Variants in LRMDA observed in about 807,000 individuals in gnomAD.
The protein encoded by LRMDA is leucine-rich melanocyte differentiation-associated protein.
LRMDA carries 18 observed loss-of-function variants against 29.8 expected under a neutral mutation model. The ratio of observed to expected loss-of-function variants is 0.60; its 90% CI spans 0.42 to 0.90. LRMDA has a LOEUF of 0.90. Ranked by LOEUF, LRMDA falls within the 40% of genes least tolerant of loss-of-function variation. The probability of loss-of-function intolerance (pLI) is 0.00; values close to 1 mark genes in which losing one functional copy is unlikely to be tolerated. For missense variants in LRMDA, 273 were observed against 273.9 expected, an observed-to-expected ratio of 1.00 and a Z score of 0.02; for synonymous variants, 125 against 109.4, an observed-to-expected ratio of 1.14 and a Z score of -0.89.
At chr10:75,666,325 CACTA>C (rs764962237) in intron 2 of LRMDA, among the ~76,000 whole-genome samples, 5 of 151,282 alleles carry the variant, frequency 3.3e-5, no homozygotes, top group African/African-American at 4.9e-5. Flanking sequence ...AGTGTCAAGT[CACTA>C]ACTGTGAACT....
intron 2 of LRMDA, among the ~76,000 whole-genome samples, chr10:75,641,917 G>A (rs2059996): frequency 0.66 from 99,620 of 152,052 alleles, 33,623 homozygotes; most frequent in East Asian, 0.74. Context: ...TCTTTGTCAG[G>A]CCATGAAGTT....
chr10:76,460,105 C>T (rs752055106), intron 6 of LRMDA, among the ~76,000 whole-genome samples: 8 of 152,168 alleles, frequency 5.3e-5, no homozygotes, highest in Non-Finnish European at 1.2e-4. Flanking sequence ...TAGTGACTGG[C>T]CTGTGACATC....
At position 75,994,964 on chromosome 10, in the gene LRMDA, G is replaced by C. The variant is rs557463620; in HGVS notation, c.132-41044G>C. Among the ~76,000 whole-genome samples the C allele has an allele frequency of 2.6e-5, 4 of 152,282 alleles. No homozygotes were observed. The East Asian group carries it at 7.7e-4, about 29-fold the overall frequency. On this transcript the variant is annotated intron_variant, in intron 2 of 6. Transcript: ENST00000611255. ...TTTAAATTTTCAAGAGCAAAGAAATGAATGTGGCTGCTTCATACCTCTCTT... is the reference window on the plus strand; with the variant it reads ...TTTAAATTTTCAAGAGCAAAGAAATCAATGTGGCTGCTTCATACCTCTCTT...
At chr10:75,611,269 T>TTG (rs1841028425) in intron 2 of LRMDA, among the ~76,000 whole-genome samples, 1 of 152,184 alleles carries the variant, frequency 6.6e-6, no homozygotes, top group African/African-American at 2.4e-5. Context: ...TGGCATGGGC[T>TTG]TGTAAAGTCG....
intron 2 of LRMDA, among the ~76,000 whole-genome samples, chr10:75,449,151 C>CAA (rs779723533): frequency 4.4e-4 from 22 of 50,000 alleles, no homozygotes; most frequent in South Asian, 6.6e-4. Flanking sequence ...GACTCCATCT[C>CAA]AAAAAAAAAA....
intron 6 of LRMDA, among the ~76,000 whole-genome samples, chr10:76,538,872 A>G (rs1208432264): frequency 6.6e-6 from 1 of 152,114 alleles, no homozygotes. Context: ...TTGACAAACC[A>G]TCTCCCTTTC....
At position 76,505,653 on chromosome 10, in the gene LRMDA, C is replaced by G. The variant is rs147768771; in HGVS notation, c.602-51556C>G. Among the ~76,000 whole-genome samples the G allele has an allele frequency of 8.9e-3, 1,349 of 152,074 alleles. 12 individuals carry two copies. Among genetic ancestry groups the G allele is most frequent in the African/African-American group, 0.028 (1,173 of 41,522 alleles). ...TTGAAATGGCTATTTTGTCTTTTAG[C>G]TCTTGGATCATTTTACTGGATTCCG... On this transcript the variant is annotated intron_variant, in intron 6 of 6. Transcript: ENST00000611255.
intron 2 of LRMDA, among the ~76,000 whole-genome samples, chr10:75,933,011 T>A (rs1459277176): frequency 1.3e-5 from 2 of 152,210 alleles, no homozygotes; most frequent in African/African-American, 4.8e-5. Flanking sequence ...AGGCGTAGAT[T>A]CCTTTTGAAA....
intron 2 of LRMDA, among the ~76,000 whole-genome samples, chr10:75,500,856 G>A (rs1002187845): frequency 3.3e-5 from 5 of 152,114 alleles, no homozygotes; most frequent in Non-Finnish European, 7.4e-5. Context: ...TCCCTCGCTC[G>A]ATTACAGTTC....
intron 5 of LRMDA, among the ~76,000 whole-genome samples, chr10:76,314,042 C>T (rs1840661847): frequency 6.6e-6 from 1 of 151,940 alleles, no homozygotes. Flanking sequence ...TTCACAATGC[C>T]TTGCAATACC....
chr10:76,006,534 C>G (rs143680089), intron 2 of LRMDA, among the ~76,000 whole-genome samples: 29 of 152,254 alleles, frequency 1.9e-4, no homozygotes, highest in Middle Eastern at 3.4e-3. Flanking sequence ...CAGAGCGAAG[C>G]TCCAAGAGCC....
At chr10:75,782,890 G>A (rs1843409217) in intron 2 of LRMDA, 2 of 1,602,712 alleles carry the variant, frequency 1.2e-6, no homozygotes, top group African/African-American at 1.3e-5. Flanking sequence ...AGTACCTGCT[G>A]TTGCTCTCAT....
intron 6 of LRMDA, among the ~76,000 whole-genome samples, chr10:76,377,397 T>C (rs1281974155): frequency 1.3e-5 from 2 of 152,196 alleles, no homozygotes; most frequent in Admixed American, 6.5e-5. Flanking sequence ...AGCTTTTTAA[T>C]TAAATCCCAT....
chr10:75,961,891 A>T (rs1310751098), intron 2 of LRMDA, among the ~76,000 whole-genome samples: 1 of 152,146 alleles, frequency 6.6e-6, no homozygotes, highest in African/African-American at 2.4e-5. Context: ...AGTCTGTTCC[A>T]GGTCTCTCTC....
chr10:76,133,546 A>G (rs531319433), intron 5 of LRMDA, among the ~76,000 whole-genome samples: 8 of 152,200 alleles, frequency 5.3e-5, no homozygotes, highest in South Asian at 2.1e-4. Flanking sequence ...CCACTCCCCA[A>G]TGTGTGGAGA....
chr10:75,618,368 CTCTCTCTCTCTCTCTATA>C (rs1332156512), intron 2 of LRMDA, among the ~76,000 whole-genome samples: 52 of 54,964 alleles, frequency 9.5e-4, no homozygotes, highest in Non-Finnish European at 1.4e-3. Flanking sequence ...CTCTCTCTCT[CTCTCTCTCTCTCTCTATA>C]TATATATATA....
intron 6 of LRMDA, among the ~76,000 whole-genome samples, chr10:76,530,011 C>A (rs2132372278): frequency 6.6e-6 from 1 of 152,182 alleles, no homozygotes; most frequent in East Asian, 1.9e-4. Context: ...CCAGTAAGAT[C>A]AAGAGTGTCT....
chr10:76,440,860 A>G (rs1842295148), intron 6 of LRMDA, among the ~76,000 whole-genome samples: 1 of 152,168 alleles, frequency 6.6e-6, no homozygotes, highest in Non-Finnish European at 1.5e-5. Context: ...ATTCCTGTGT[A>G]CCGCATATGC....
chr10:75,739,972 T>A (rs1842810035), intron 2 of LRMDA, among the ~76,000 whole-genome samples: 1 of 152,218 alleles, frequency 6.6e-6, no homozygotes, highest in African/African-American at 2.4e-5. Context: ...TGTTTACTGG[T>A]GTCACTGTTT....
Sources: gnomAD v4.1 joint callset for allele counts (sites outside exome capture counted in the v4.1 genomes callset) on GRCh38, gnomAD v4.1.1 for gene constraint, MANE v1.5 for transcripts, NCBI Gene and HGNC (gene_info 2026-07-23, HGNC 2026-07-21) for gene names.